IGF2BP3: variants seen among roughly 807,000 people sequenced by gnomAD.
IGF2BP3 encodes insulin-like growth factor 2 mRNA-binding protein 3.
IGF2BP3 carries 9 observed loss-of-function variants against 73.8 expected under a neutral mutation model. The observed-to-expected ratio is 0.12, with a 90% CI of 0.07 to 0.21. The LOEUF is 0.21. Among genes scored for constraint, IGF2BP3 ranks in the 10% least tolerant of loss-of-function variants. IGF2BP3 has a pLI of 1.00. For missense variants in IGF2BP3, 542 were observed against 714.0 expected (o/e 0.76, Z 2.75); for synonymous variants, 258 against 256.7 (o/e 1.01, Z -0.05).
chr7:23,444,834 G>A (rs183726720), intron 2 of IGF2BP3, among the ~76,000 whole-genome samples: 13 of 152,040 alleles, frequency 8.6e-5, no homozygotes, highest in Non-Finnish European at 1.6e-4. Context: ...ATCTGAGGCC[G>A]AAGGAGGAGG....
chr7:23,439,548 C>G (rs1027722951), intron 2 of IGF2BP3, among the ~76,000 whole-genome samples: 1 of 136,566 alleles, frequency 7.3e-6, no homozygotes, highest in Non-Finnish European at 1.6e-5. Flanking sequence ...CAACGAGACT[C>G]CGTCTCAAAA....
At chr7:23,449,244 G>A (rs939175061) in intron 2 of IGF2BP3, among the ~76,000 whole-genome samples, 14 of 151,994 alleles carry the variant, frequency 9.2e-5, no homozygotes, top group African/African-American at 2.9e-4. Context: ...CAGGCCGGGC[G>A]TGGTGGCTCA....
chr7:23,338,828 T>A (rs1275404877), intron 10 of IGF2BP3, among the ~76,000 whole-genome samples: 1 of 152,192 alleles, frequency 6.6e-6, no homozygotes, highest in Non-Finnish European at 1.5e-5. Context: ...TCAATCAATG[T>A]AAAATAAGAA....
chr7:23,329,748 T>C (rs188938120), intron 10 of IGF2BP3, among the ~76,000 whole-genome samples: 63 of 152,286 alleles, frequency 4.1e-4, no homozygotes, highest in African/African-American at 1.5e-3. Context: ...CAAGATCAGT[T>C]TGGGTCTCCT....
Position 23,465,296 on chromosome 7 carries a change from T to C in IGF2BP3, c.236+3186A>G, listed in dbSNP as rs150280327. Among the ~76,000 whole-genome samples, 5 of 152,372 alleles carry C rather than the reference T, an allele frequency of 3.3e-5. No individual in the cohort carries two copies. The East Asian group carries it at 9.6e-4, about 29-fold the overall frequency. On this transcript the variant is annotated intron_variant, in intron 2 of 14. Coordinates refer to ENST00000258729, the MANE Select transcript of IGF2BP3 (RefSeq NM_006547.3). ...AAGTCTTCATGTTCTGTATCTTTTA[T>C]ATTTAGAATAGAGAGTGCAACACTA...
chr7:23,462,549 A>C lies in IGF2BP3; in HGVS notation c.236+5933T>G, dbSNP rs933831887. Among the ~76,000 whole-genome samples, 3 of 152,156 alleles carry C rather than the reference A, an allele frequency of 2.0e-5. No homozygotes were observed. In the South Asian group the frequency reaches 6.2e-4, roughly 32 times the overall value. ...GTTAATTTTTTTGTATTTTTAGTAG[A>C]GACGGGGTTTCACCGTGTTAGCCAG... On this transcript the variant is annotated intron_variant, in intron 2 of 14. Coordinates refer to ENST00000258729, the MANE Select transcript of IGF2BP3 (RefSeq NM_006547.3).
intron 3 of IGF2BP3, among the ~76,000 whole-genome samples, chr7:23,404,850 T>C (rs980770527): frequency 6.6e-6 from 1 of 152,160 alleles, no homozygotes; most frequent in Non-Finnish European, 1.5e-5. Flanking sequence ...AATAGTGCCC[T>C]GTCACTCCCA....
intron 9 of IGF2BP3, among the ~76,000 whole-genome samples, 174 bp downstream of exon 9, chr7:23,343,544 T>C (rs1784761032): frequency 6.6e-6 from 1 of 152,190 alleles, no homozygotes; most frequent in African/African-American, 2.4e-5. Context: ...CAGCAAAGCT[T>C]AATGTCAAAG....
intron 2 of IGF2BP3, among the ~76,000 whole-genome samples, chr7:23,421,432 C>A (rs943441917): frequency 6.6e-6 from 1 of 152,066 alleles, no homozygotes; most frequent in Non-Finnish European, 1.5e-5. Context: ...GTGGCTCACA[C>A]CTGTGATCCC....
At chr7:23,393,379 G>C (rs895733420) in intron 3 of IGF2BP3, among the ~76,000 whole-genome samples, 3 of 152,132 alleles carry the variant, frequency 2.0e-5, no homozygotes, top group Non-Finnish European at 4.4e-5. Flanking sequence ...TCATGCCTAA[G>C]GAATACGGGC....
At chr7:23,368,343 AAAAGAAAGAAAGAAAGAAAG>A (rs58687904) in intron 3 of IGF2BP3, among the ~76,000 whole-genome samples, 6 of 138,028 alleles carry the variant, frequency 4.3e-5, no homozygotes, top group African/African-American at 1.4e-4. Flanking sequence ...AAGAAAGAAA[AAAAGAAAGAAAGAAAGAAAG>A]AAAGAAAGAA....
rs557467066 is a variant in IGF2BP3 at position 23,412,842 on chromosome 7, C to CTTTTTT, written c.285+5928_285+5933dup. On this transcript the variant is annotated intron_variant, in intron 3 of 14. Coordinates refer to ENST00000258729, the MANE Select transcript of IGF2BP3 (RefSeq NM_006547.3). ...GAAATCCTTTCCTTAAGACTCTGGC[C>CTTTTTT]TTTTTTTTTTTTTTTTTTTTTTTTT... is the stretch of plus-strand genomic sequence containing the variant. Among the ~76,000 whole-genome samples, 52 of 37,020 alleles carry CTTTTTT rather than the reference C, an allele frequency of 1.4e-3. 9 individuals are homozygous for CTTTTTT. Among genetic ancestry groups the CTTTTTT allele is most frequent in the East Asian group, 7.7e-3 (7 of 906 alleles). 24.3% of individuals were successfully genotyped at this position (37,020 alleles called of 152,430 possible).
chr7:23,470,038 C>A lies in IGF2BP3; in HGVS notation c.73G>T (p.Ala25Ser). 6.2e-7 allele frequency: 1 copy of A among 1,612,312 alleles called. No individual in the cohort carries two copies. Among genetic ancestry groups the A allele is most frequent in the Non-Finnish European group, 8.5e-7 (1 of 1,179,578 alleles). ...AAGGGTCCCGACACCGGGATCTTGGCGTCCTTGAAGATACTTTCTAGGTCC... is the reference window on the plus strand; with the variant it reads ...AAGGGTCCCGACACCGGGATCTTGGAGTCCTTGAAGATACTTTCTAGGTCC... The part of the protein sequence containing the change: ...PSDLESIFKD[A>S]KIPVSGPFLV... The change falls in exon 1 of 15, where the codon GCC becomes TCC. Residue 25 changes from alanine to serine, a missense_variant. By Grantham distance (99) the Ala-to-Ser change is moderately conservative. Around this residue, in one of 2 missense-constraint regions of IGF2BP3, gnomAD observed 239 missense variants for 241.9 expected, o/e 0.99. Coordinates refer to ENST00000258729, the MANE Select transcript of IGF2BP3 (RefSeq NM_006547.3).
intron 6 of IGF2BP3, among the ~76,000 whole-genome samples, chr7:23,348,634 C>T (rs1359967330): frequency 6.6e-6 from 1 of 152,140 alleles, no homozygotes; most frequent in African/African-American, 2.4e-5. Flanking sequence ...GATGGGGTGT[C>T]TTGTGCATTG....
At chr7:23,367,353 A>G (rs1785407669) in intron 3 of IGF2BP3, among the ~76,000 whole-genome samples, 1 of 150,966 alleles carries the variant, frequency 6.6e-6, no homozygotes, top group Non-Finnish European at 1.5e-5. Flanking sequence ...CTACTTATGC[A>G]CCTGTTTTTG....
chr7:23,413,678 G>A (rs192436685), intron 3 of IGF2BP3: 1 of 152,256 alleles, frequency 6.6e-6, no homozygotes, highest in Non-Finnish European at 1.5e-5. Context: ...CACTTCCCCT[G>A]TGGCATCTGA....
intron 5 of IGF2BP3, among the ~76,000 whole-genome samples, chr7:23,354,496 G>A (rs1370534553): frequency 1.3e-5 from 2 of 152,178 alleles, no homozygotes; most frequent in Non-Finnish European, 2.9e-5. Context: ...TACAAAAATG[G>A]TAGATAACTC....
intron 3 of IGF2BP3, among the ~76,000 whole-genome samples, chr7:23,391,411 T>G (rs1351831752): frequency 6.6e-6 from 1 of 152,200 alleles, no homozygotes; most frequent in Admixed American, 6.5e-5. Context: ...TGTCATTGCC[T>G]TTTAAAATCT....
chr7:23,378,762 C>T (rs948088968), intron 3 of IGF2BP3, among the ~76,000 whole-genome samples: 21 of 151,732 alleles, frequency 1.4e-4, no homozygotes, highest in Admixed American at 2.6e-4. Flanking sequence ...TTAGTAGAGA[C>T]GGGGTTTCAC....
Sources: gnomAD v4.1 joint callset for allele counts (sites outside exome capture counted in the v4.1 genomes callset) on GRCh38, gnomAD v4.1.1 for gene constraint, gnomAD v4.1.1 regional missense constraint, MANE v1.5 for transcripts, NCBI Gene and HGNC (gene_info 2026-07-23, HGNC 2026-07-21) for gene names.